The following DHDDS variants were observed in gnomAD, a reference collection of about 807,000 sequenced individuals.
DHDDS encodes the protein dehydrodolichyl diphosphate synthase complex subunit DHDDS.
DHDDS carries 16 observed loss-of-function variants against 46.2 expected under a neutral mutation model. The ratio of observed to expected loss-of-function variants is 0.35; its 90% confidence interval spans 0.23 to 0.53. The LOEUF (loss-of-function observed/expected upper bound fraction) is 0.53, where lower values mean the gene tolerates loss of function less well. DHDDS is among the 20% of genes least tolerant of loss of function. DHDDS has a pLI of 0.94. For synonymous variants in DHDDS, 151 were observed against 163.1 expected (o/e 0.93, Z 0.56); for missense variants, 340 against 423.7 (o/e 0.80, Z 1.73).
chr1:26,455,679 G>A (rs1283194209), intron 6 of DHDDS, among the ~76,000 whole-genome samples: 1 of 152,146 alleles, frequency 6.6e-6, no homozygotes, highest in Non-Finnish European at 1.5e-5. Flanking sequence ...CCCGAGAGGT[G>A]GAGGTTGCGG....
At chr1:26,462,062 G>GT (rs754576508) in intron 8 of DHDDS, among the ~76,000 whole-genome samples, 2,741 of 129,684 alleles carry the variant, frequency 0.021, 55 homozygotes, top group African/African-American at 0.054. Flanking sequence ...GCTATTTTTT[G>GT]TTTTTTTTTT....
At chr1:26,456,452 G>A (rs1396745019) in intron 6 of DHDDS, among the ~76,000 whole-genome samples, 1 of 152,150 alleles carries the variant, frequency 6.6e-6, no homozygotes, top group African/African-American at 2.4e-5. Context: ...GAGTTCAGTG[G>A]CATAATCTGG....
intron 8 of DHDDS, among the ~76,000 whole-genome samples, chr1:26,463,974 A>G (rs1192537582): frequency 1.5e-5 from 2 of 136,246 alleles, no homozygotes; most frequent in Non-Finnish European, 3.2e-5. Context: ...ATTTTTACCT[A>G]TGGATCATAT....
chr1:26,434,993 T>C (rs565938915), intron 2 of DHDDS, among the ~76,000 whole-genome samples: 2 of 151,352 alleles, frequency 1.3e-5, no homozygotes, highest in Non-Finnish European at 2.9e-5. Context: ...AAAAAAAGTC[T>C]TTTTTGTTTG....
chr1:26,443,030 G>T, intron 4 of DHDDS, 157 bp downstream of exon 4: 1 of 1,287,384 alleles, frequency 7.8e-7, no homozygotes, highest in Non-Finnish European at 1.0e-6. Flanking sequence ...ATACAAGATA[G>T]TCTTTCATTC....
intron 3 of DHDDS, among the ~76,000 whole-genome samples, chr1:26,441,015 C>G (rs1361989031): frequency 6.6e-6 from 1 of 151,960 alleles, no homozygotes; most frequent in Non-Finnish European, 1.5e-5. Context: ...ACCTCCGCCT[C>G]CCAGGTTCAA....
At chr1:26,435,198 G>T (rs1431622657) in intron 2 of DHDDS, among the ~76,000 whole-genome samples, 1 of 150,578 alleles carries the variant, frequency 6.6e-6, no homozygotes, top group Non-Finnish European at 1.5e-5. Context: ...TTTTAGTAGA[G>T]ACAGGGTTTC....
intron 2 of DHDDS, among the ~76,000 whole-genome samples, chr1:26,437,468 A>C (rs1570331279): frequency 6.7e-6 from 1 of 149,746 alleles, no homozygotes; most frequent in Non-Finnish European, 1.5e-5. Flanking sequence ...ATAGGGAAAC[A>C]CACCATCTTT....
intron 8 of DHDDS, among the ~76,000 whole-genome samples, chr1:26,461,466 A>T (rs1570360954): frequency 6.7e-6 from 1 of 150,032 alleles, no homozygotes; most frequent in African/African-American, 2.5e-5. Flanking sequence ...GCTCACCGAA[A>T]CCTCCGCCTC....
At chr1:26,452,250 C>T (rs144556768) in intron 6 of DHDDS, among the ~76,000 whole-genome samples, 1,959 of 151,932 alleles carry the variant, frequency 0.013, 21 homozygotes, top group Middle Eastern at 0.027. Context: ...GCCATGTTGT[C>T]CAGGCTGGTC....
intron 6 of DHDDS, chr1:26,455,230 G>A: frequency 3.0e-6 from 2 of 669,192 alleles, no homozygotes; most frequent in South Asian, 1.7e-5. Context: ...GAGCAAATGG[G>A]CCCATTTTAA....
rs2075538974 is a variant in DHDDS at position 26,470,161 on chromosome 1, CCTCT to C, written c.*1031_*1034del. 1.3e-5 allele frequency: 2 copies of C among 152,278 alleles called. No homozygotes were observed. Among genetic ancestry groups the C allele is most frequent in the Non-Finnish European group, 2.9e-5 (2 of 68,142 alleles). The allele number at this position is 152,278 out of a possible 1,614,324, so 9.4% of individuals were successfully genotyped here. On this transcript the variant is annotated 3_prime_UTR_variant, in exon 9 of 9. Transcript: ENST00000236342. ...AAAGCTGTGTCCTTTCCCTTACCTC[CCTCT>C]GCCAGGACTTGCTGCAGAGCTGCTG... is the stretch of plus-strand genomic sequence containing the variant.
In DHDDS at chr1:26,468,877, C is replaced by T. The variant is rs2124551912; in HGVS notation, c.766-18C>T. On this transcript the variant is annotated intron_variant, in intron 8 of 8. Transcript: ENST00000236342. The stretch of plus-strand genomic sequence containing the variant: ...TAAAAATGATCTCCCCACCCCAATC[C>T]CCACTTTTCTCTAGCAGAAGGCCCG... The T allele has an allele frequency of 6.2e-7, 1 of 1,613,730 alleles. No homozygotes were observed. The highest frequency in any genetic ancestry group is 1.7e-5 in the Admixed American group (1 of 60,004).
chr1:26,449,022 C>T (rs909759160), intron 6 of DHDDS, among the ~76,000 whole-genome samples: 6 of 152,184 alleles, frequency 3.9e-5, no homozygotes, highest in East Asian at 1.9e-4. Context: ...TCCTTCCTAA[C>T]AGCTGGGTGA....
chr1:26,461,524 T>TA (rs2124509205), intron 8 of DHDDS, among the ~76,000 whole-genome samples: 1 of 152,226 alleles, frequency 6.6e-6, no homozygotes, highest in South Asian at 2.1e-4. Flanking sequence ...TAGCTGGGAT[T>TA]ACAGGCATGC....
intron 4 of DHDDS, among the ~76,000 whole-genome samples, chr1:26,445,894 G>T (rs2124422741): frequency 6.6e-6 from 1 of 150,684 alleles, no homozygotes; most frequent in South Asian, 2.1e-4. Flanking sequence ...CTGGTGGTGG[G>T]CACCTGTAAT....
Position 26,470,884 on chromosome 1 carries a change from C to A in DHDDS, c.*1753C>A, listed in dbSNP as rs1022741294. The A allele has an allele frequency of 3.3e-5, 5 of 152,796 alleles. No individual in the cohort carries two copies. Among genetic ancestry groups the A allele is most frequent in the African/African-American group, 1.2e-4 (5 of 41,450 alleles). The allele number at this position is 152,796 out of a possible 1,614,324, so 9.5% of individuals were successfully genotyped here. ...AGGGGCTGGAGGCAGCAAACGGAAT[C>A]TGCCCTATGAGCGTGGCTGTTGAGT... On this transcript the variant is annotated 3_prime_UTR_variant, in exon 9 of 9. Coordinates refer to ENST00000236342, the MANE Select transcript of DHDDS (RefSeq NM_205861.3).
chr1:26,469,098 C>A lies in DHDDS; in HGVS notation c.969C>A (p.Asp323Glu), dbSNP rs1373017894. 1.9e-6 allele frequency: 3 copies of A among 1,612,854 alleles called. No homozygotes were observed. In the East Asian group the frequency reaches 6.7e-5, roughly 36 times the overall value. The part of the protein sequence containing the change: ...FLQALELKRA[D>E]WLARLGTASA ...AGGCCTTGGAACTCAAGCGAGCTGACTGGCTGGCCCGTCTGGGCACTGCAT... is the reference window on the plus strand; with the variant it reads ...AGGCCTTGGAACTCAAGCGAGCTGAATGGCTGGCCCGTCTGGGCACTGCAT... Residue 323 changes from aspartate to glutamate, a missense_variant, in exon 9 of 9, where the codon GAC becomes GAA. Around this residue, in one of 2 missense-constraint regions of DHDDS, gnomAD observed 268 missense variants for 300.3 expected, o/e 0.89. Coordinates refer to ENST00000236342, the MANE Select transcript of DHDDS (RefSeq NM_205861.3).
intron 2 of DHDDS, 78 bp downstream of exon 2, chr1:26,433,086 A>T: frequency 1.3e-6 from 2 of 1,491,646 alleles, no homozygotes. Context: ...ATTAAAGTTG[A>T]TGATGTTAAG....
Sources: gnomAD v4.1 joint callset for allele counts (sites outside exome capture counted in the v4.1 genomes callset) on GRCh38, gnomAD v4.1.1 for gene constraint, gnomAD v4.1.1 regional missense constraint, MANE v1.5 for transcripts, NCBI Gene and HGNC (gene_info 2026-07-23, HGNC 2026-07-21) for gene names.